Variants in CHD1L observed in about 807,000 individuals in gnomAD.
CHD1L encodes the protein chromodomain helicase DNA binding protein 1 like.
In CHD1L, 118 loss-of-function variants were observed where a neutral mutation model predicts 115.9. That is an observed-to-expected ratio of 1.02 (90% confidence interval 0.88 to 1.19). The LOEUF (loss-of-function observed/expected upper bound fraction) is 1.19, where lower values mean the gene tolerates loss of function less well. Ranked by LOEUF, CHD1L falls within the 50% of genes most tolerant of loss-of-function variation. CHD1L has a pLI of 0.00. For missense variants in CHD1L, 1,179 were observed against 1,065.3 expected, an observed-to-expected ratio of 1.11 and a Z score of -1.49; for synonymous variants, 411 against 387.1, an observed-to-expected ratio of 1.06 and a Z score of -0.72.
At chr1:147,190,249 C>A in the CHD1L span, 2 of 1,593,190 alleles carry the variant, frequency 1.3e-6, no homozygotes, top group Non-Finnish European at 1.7e-6. Context: ...TGTCTTTAGA[C>A]CTAAAAACAA....
chr1:147,284,079 G>A (rs927869143), intron 15 of CHD1L, among the ~76,000 whole-genome samples: 2 of 152,194 alleles, frequency 1.3e-5, no homozygotes, highest in Admixed American at 1.3e-4. Flanking sequence ...ATGAATGGAA[G>A]AATCCAGCAG....
At chr1:147,295,303 T>C (rs1687119885) in intron 22 of CHD1L, 128 bp from the exon 23 acceptor site, 1 of 688,376 alleles carries the variant, frequency 1.5e-6, no homozygotes, top group Admixed American at 2.7e-5. Context: ...AAAGTGTTTA[T>C]GATATCGTGA....
At chr1:147,173,881 T>C in the CHD1L span, among the ~76,000 whole-genome samples, 1 of 152,194 alleles carries the variant, frequency 6.6e-6, no homozygotes, top group Non-Finnish European at 1.5e-5. Flanking sequence ...GCATGTACCT[T>C]ATACAGAGTA....
chr1:147,279,832 A>G (rs1259994248), intron 14 of CHD1L, among the ~76,000 whole-genome samples, 194 bp from the exon 15 acceptor site: 1 of 152,048 alleles, frequency 6.6e-6, no homozygotes, highest in Non-Finnish European at 1.5e-5. Flanking sequence ...ATCATTTATC[A>G]CCTCTCTGCT....
the CHD1L span, among the ~76,000 whole-genome samples, chr1:147,236,117 C>A: frequency 2.0e-5 from 3 of 152,292 alleles, no homozygotes; most frequent in South Asian, 6.2e-4. Flanking sequence ...AGTATGGGCA[C>A]TGACTCCCTG....
intron 20 of CHD1L, 81 bp downstream of exon 20, chr1:147,291,633 C>T: frequency 1.8e-6 from 2 of 1,112,326 alleles, no homozygotes; most frequent in Non-Finnish European, 2.7e-6. Context: ...CCCAATTGGC[C>T]TCTCTGCTAG....
the CHD1L span, chr1:147,175,101 T>G: frequency 3.3e-5 from 5 of 152,204 alleles, no homozygotes; most frequent in Non-Finnish European, 5.9e-5. Flanking sequence ...CTCACCAAGT[T>G]TCATCCTCCA....
chr1:147,186,999 T>G, the CHD1L span: 3 of 1,614,102 alleles, frequency 1.9e-6, no homozygotes, highest in African/African-American at 4.0e-5. Context: ...CAACTACTCT[T>G]GTCATCAGAG....
At chr1:147,222,722 T>C in the CHD1L span, among the ~76,000 whole-genome samples, 1 of 152,194 alleles carries the variant, frequency 6.6e-6, no homozygotes, top group Non-Finnish European at 1.5e-5. Context: ...TTACAAAGTG[T>C]TAAAATTTTG....
the CHD1L span, among the ~76,000 whole-genome samples, chr1:147,218,314 C>T: frequency 6.6e-6 from 1 of 151,390 alleles, no homozygotes; most frequent in African/African-American, 2.4e-5. Context: ...CAGCTCCCTG[C>T]AACCTCTGCC....
intron 6 of CHD1L, among the ~76,000 whole-genome samples, chr1:147,264,211 GTCC>G (rs1673029205): frequency 6.6e-6 from 1 of 152,090 alleles, no homozygotes; most frequent in Non-Finnish European, 1.5e-5. Flanking sequence ...CAGGATTATT[GTCC>G]CCTTCTTATA....
chr1:147,204,863 C>T, the CHD1L span: 2 of 1,599,930 alleles, frequency 1.3e-6, no homozygotes, highest in Non-Finnish European at 1.7e-6. Context: ...TCTTCTAATT[C>T]TGAAAAGTGT....
chr1:147,291,407 A>C (rs10900333), intron 19 of CHD1L, 75 bp from the exon 20 acceptor site: 2 of 1,258,272 alleles, frequency 1.6e-6, no homozygotes, highest in African/African-American at 1.5e-5. Context: ...AATTTGAAGA[A>C]GGCGAGATAC....
At chr1:147,214,092 C>T in the CHD1L span, among the ~76,000 whole-genome samples, 3 of 152,178 alleles carry the variant, frequency 2.0e-5, no homozygotes, top group Non-Finnish European at 4.4e-5. Flanking sequence ...GGTTACCCTA[C>T]TTAGGTTAAG....
the CHD1L span, among the ~76,000 whole-genome samples, chr1:147,187,544 C>T: frequency 6.6e-6 from 1 of 152,018 alleles, no homozygotes; most frequent in Non-Finnish European, 1.5e-5. Context: ...GTGAAAGATA[C>T]AGATAAGATG....
chr1:147,197,227 C>T, the CHD1L span, among the ~76,000 whole-genome samples: 1 of 152,106 alleles, frequency 6.6e-6, no homozygotes, highest in Non-Finnish European at 1.5e-5. Context: ...GTGATTATTT[C>T]CCCTCTATGG....
chr1:147,202,312 CTTTT>C, the CHD1L span, among the ~76,000 whole-genome samples: 45 of 77,458 alleles, frequency 5.8e-4, 2 homozygotes, highest in African/African-American at 2.0e-3. Context: ...AAAAGCAGTT[CTTTT>C]TTTTTTTTTT....
At chr1:147,194,958 A>C in the CHD1L span, among the ~76,000 whole-genome samples, 1 of 151,432 alleles carries the variant, frequency 6.6e-6, no homozygotes, top group Non-Finnish European at 1.5e-5. Flanking sequence ...CTTCATTTCA[A>C]CTTTGGTGAA....
rs1186182506 is a variant in CHD1L at position 147,242,993 on chromosome 1, C to A, written c.127+163C>A. ...TGGGCGGAGAGAAACTGCGCCCGGG[C>A]TTGGTGGCCACGGCCCCCGCCTGCG... is the stretch of plus-strand genomic sequence containing the variant. On this transcript the variant is annotated intron_variant, in intron 1 of 22. Transcript: ENST00000369258. The A allele has an allele frequency of 3.4e-6, 3 of 880,174 alleles. No individual in the cohort carries two copies. In the South Asian group the frequency reaches 1.8e-4, roughly 52 times the overall value. The allele number at this position is 880,174 out of a possible 1,614,324, so 54.5% of individuals were successfully genotyped here.
Sources: gnomAD v4.1 joint callset for allele counts (sites outside exome capture counted in the v4.1 genomes callset) on GRCh38, gnomAD v4.1.1 for gene constraint, MANE v1.5 for transcripts, NCBI Gene and HGNC (gene_info 2026-07-23, HGNC 2026-07-21) for gene names.